TOX2: variants seen among roughly 807,000 people sequenced by gnomAD.
TOX2 encodes TOX high mobility group box family member 2.
Under a neutral mutation model 47.4 loss-of-function variants are expected in TOX2, and 15 were observed. The ratio of observed to expected loss-of-function variants is 0.32; its 90% confidence interval spans 0.21 to 0.49. The LOEUF (loss-of-function observed/expected upper bound fraction) is 0.49. Among genes scored for constraint, TOX2 ranks in the 20% least tolerant of loss-of-function variants. The pLI is 0.99. For synonymous variants in TOX2, 290 were observed against 296.6 expected, an observed-to-expected ratio of 0.98 and a Z score of 0.23; for missense variants, 622 against 673.1, an observed-to-expected ratio of 0.92 and a Z score of 0.84.
At chr20:44,054,031 C>T (rs2071573988) in intron 4 of TOX2, among the ~76,000 whole-genome samples, 1 of 152,228 alleles carries the variant, frequency 6.6e-6, no homozygotes, top group African/African-American at 2.4e-5. Context: ...TTCCAGCATT[C>T]TTTCCATTCT....
In TOX2 at chr20:43,916,171, G is replaced by A; in HGVS notation, c.99+1181G>A. The A allele has an allele frequency of 2.0e-6, 2 of 985,550 alleles. No individual in the cohort carries two copies. Among genetic ancestry groups the A allele is most frequent in the East Asian group, 1.1e-4 (1 of 8,826 alleles). The allele number at this position is 985,550 out of a possible 1,614,324, so 61.1% of individuals were successfully genotyped here. On this transcript the variant is annotated intron_variant, in intron 1 of 8. Coordinates refer to ENST00000341197, the MANE Select transcript of TOX2 (RefSeq NM_001098797.2). This position sits in a 1 kb window ranked among gnomAD's most constrained non-coding sequence, Gnocchi z 5.0. ...GAACAGCGCGCGTGGGTTTCCCGCAGCCCTGGCGCAGACGCGTGGGCTCCG... is the reference window on the plus strand; with the variant it reads ...GAACAGCGCGCGTGGGTTTCCCGCAACCCTGGCGCAGACGCGTGGGCTCCG...
intron 1 of TOX2, among the ~76,000 whole-genome samples, chr20:43,919,278 C>T (rs1194742977): frequency 6.6e-6 from 1 of 152,192 alleles, no homozygotes; most frequent in Non-Finnish European, 1.5e-5. Context: ...AATCACTGCC[C>T]TCTGGAGCTT....
At chr20:43,966,506 C>T (rs920995352) in intron 1 of TOX2, among the ~76,000 whole-genome samples, 1 of 151,972 alleles carries the variant, frequency 6.6e-6, no homozygotes, top group Non-Finnish European at 1.5e-5. Context: ...GCCTGTAATC[C>T]CAGCACTTTG....
At chr20:44,066,197 C>T in intron 7 of TOX2, 90 bp downstream of exon 7, 1 of 1,369,440 alleles carries the variant, frequency 7.3e-7, no homozygotes, top group Non-Finnish European at 9.6e-7. Context: ...TGCCACTCAC[C>T]AGTGATATAA....
intron 2 of TOX2, among the ~76,000 whole-genome samples, chr20:43,991,507 A>G (rs538006226): frequency 1.5e-4 from 23 of 152,226 alleles, no homozygotes; most frequent in Middle Eastern, 3.4e-3. Context: ...TATTCAGTAA[A>G]TGTTTATTGA....
In TOX2 at chr20:44,059,849, A is replaced by T. The variant is rs554378765; in HGVS notation, c.880-4928A>T. 2.0e-5 allele frequency among the ~76,000 whole-genome samples: 3 copies of T among 152,330 alleles called. No individual in the cohort carries two copies. In the East Asian group the frequency reaches 5.8e-4, roughly 29 times the overall value. The stretch of plus-strand genomic sequence containing the variant: ...CTCTAAAATAATAACACAATTTTTT[A>T]AAAACCACAAGGTATTTGGGCAACA... On this transcript the variant is annotated intron_variant, in intron 5 of 8. Transcript: ENST00000341197.
intron 3 of TOX2, among the ~76,000 whole-genome samples, chr20:44,009,168 C>A (rs1252751806): frequency 6.6e-6 from 1 of 152,172 alleles, no homozygotes; most frequent in Non-Finnish European, 1.5e-5. Context: ...ACCCCTGGGA[C>A]CTTAGGACAC....
chr20:43,956,525 C>T (rs1294306588), intron 1 of TOX2, among the ~76,000 whole-genome samples: 1 of 147,710 alleles, frequency 6.8e-6, no homozygotes, highest in African/African-American at 2.5e-5. Context: ...CATGCCACTG[C>T]ACTCCAGCCT....
At position 43,951,712 on chromosome 20, in the gene TOX2, T is replaced by G. The variant is rs1019959047; in HGVS notation, c.100-21655T>G. 1.1e-4 allele frequency among the ~76,000 whole-genome samples: 13 copies of G among 118,890 alleles called. 1 individual carries two copies. The highest frequency in any genetic ancestry group is 1.6e-4 in the African/African-American group (5 of 30,994). The allele number at this position is 118,890 out of a possible 152,430, so 78.0% of individuals were successfully genotyped here. On this transcript the variant is annotated intron_variant, in intron 1 of 8. Coordinates refer to ENST00000341197, the MANE Select transcript of TOX2 (RefSeq NM_001098797.2). ...ATTACTATTAAACTTATTATGTTTT[T>G]TTTTTTTTTTTTTTTTAGAGAAAGG... is the stretch of plus-strand genomic sequence containing the variant.
At chr20:43,961,710 A>T (rs1284741239) in intron 1 of TOX2, among the ~76,000 whole-genome samples, 1 of 151,984 alleles carries the variant, frequency 6.6e-6, no homozygotes, top group Non-Finnish European at 1.5e-5. Flanking sequence ...GTGGGTCCCT[A>T]CCTTCCCTCC....
intron 1 of TOX2, among the ~76,000 whole-genome samples, chr20:43,946,354 G>A (rs2069470370): frequency 6.6e-6 from 1 of 152,170 alleles, no homozygotes; most frequent in South Asian, 2.1e-4. Context: ...GCCAGGTGTG[G>A]GTTGGGGGGT....
chr20:43,948,314 C>T (rs1441406735), intron 1 of TOX2, among the ~76,000 whole-genome samples: 1 of 152,160 alleles, frequency 6.6e-6, no homozygotes, highest in Non-Finnish European at 1.5e-5. Flanking sequence ...GATCTTGGGC[C>T]AGTTCTTCAT....
At chr20:44,003,799 G>A (rs1013097844) in intron 2 of TOX2, among the ~76,000 whole-genome samples, 1 of 152,174 alleles carries the variant, frequency 6.6e-6, no homozygotes, top group African/African-American at 2.4e-5. Flanking sequence ...GAGCCCAGAG[G>A]CAGGAGAGGT....
At chr20:43,993,213 A>G (rs1389452699) in intron 2 of TOX2, among the ~76,000 whole-genome samples, 1 of 152,192 alleles carries the variant, frequency 6.6e-6, no homozygotes, top group Non-Finnish European at 1.5e-5. Flanking sequence ...CTGAGCGTAG[A>G]GGACATCAGC....
rs1365065916 is a variant in TOX2, at chr20:44,069,070, A to C, written c.*384A>C. The C allele has an allele frequency of 1.3e-5, 5 of 391,332 alleles. No homozygotes were observed. The highest frequency in any genetic ancestry group is 2.1e-5 in the African/African-American group (1 of 48,122). 24.2% of individuals were successfully genotyped at this position (391,332 alleles called of 1,614,324 possible). On this transcript the variant is annotated 3_prime_UTR_variant, in exon 9 of 9. Transcript: ENST00000341197. ...GACACCCACCCCAGATGCATGGGCC[A>C]GAGGGCCGGCCCCCGGCATAGATGT...
intron 8 of TOX2, among the ~76,000 whole-genome samples, chr20:44,067,978 G>A (rs1430245983): frequency 4.6e-5 from 7 of 152,142 alleles, no homozygotes; most frequent in Admixed American, 1.3e-4. Context: ...CCCAGCACAC[G>A]GCTGGTTCCT....
chr20:43,964,258 C>CT (rs1372911779), intron 1 of TOX2, among the ~76,000 whole-genome samples: 1 of 152,168 alleles, frequency 6.6e-6, no homozygotes, highest in Non-Finnish European at 1.5e-5. Flanking sequence ...GAGACTGAGG[C>CT]TTCCCAGGCC....
chr20:44,056,846 A>T (rs772526943), intron 5 of TOX2, among the ~76,000 whole-genome samples: 1 of 152,196 alleles, frequency 6.6e-6, no homozygotes, highest in Non-Finnish European at 1.5e-5. Context: ...GTTTAAAAAA[A>T]GTGTCTATAA....
chr20:44,068,801 T>A lies in TOX2; in HGVS notation c.*115T>A. 1 of 1,399,738 alleles carries A rather than the reference T, an allele frequency of 7.1e-7. No homozygotes were observed. The highest frequency in any genetic ancestry group is 1.0e-6 in the Non-Finnish European group (1 of 1,004,408). 86.7% of individuals were successfully genotyped at this position (1,399,738 alleles called of 1,614,324 possible). A position where few individuals can be genotyped will look rare whatever the true frequency, so the allele number is the denominator to read the frequency against. ...CAGGGTGGCCCATCGGAGAGAGCAG[T>A]GACACACCCATTGCCCGGGGGCTGA... On this transcript the variant is annotated 3_prime_UTR_variant, in exon 9 of 9. Coordinates refer to ENST00000341197, the MANE Select transcript of TOX2 (RefSeq NM_001098797.2).
Sources: gnomAD v4.1 joint callset for allele counts (sites outside exome capture counted in the v4.1 genomes callset) on GRCh38, gnomAD v4.1.1 for gene constraint, Gnocchi (gnomAD v3.1) non-coding constraint, MANE v1.5 for transcripts, NCBI Gene and HGNC (gene_info 2026-07-23, HGNC 2026-07-21) for gene names.